Variants in CRACDL observed in about 807,000 individuals in gnomAD.
CRACDL encodes the protein CRACD like.
Under a neutral mutation model 70.6 loss-of-function variants are expected in CRACDL, and 26 were observed. The observed-to-expected ratio is 0.37, with a 90% confidence interval of 0.27 to 0.51. The LOEUF (loss-of-function observed/expected upper bound fraction) is 0.51, where lower values mean the gene tolerates loss of function less well. Among genes scored for constraint, CRACDL ranks in the 20% least tolerant of loss-of-function variants. CRACDL has a pLI of 0.94. For synonymous variants in CRACDL, 618 were observed against 615.2 expected (o/e 1.00, Z -0.07); for missense variants, 1,283 against 1,376.9 (o/e 0.93, Z 1.08).
intron 1 of CRACDL, among the ~76,000 whole-genome samples, chr2:98,933,544 T>A (rs1709135404): frequency 6.6e-6 from 1 of 152,022 alleles, no homozygotes. Flanking sequence ...TACACAAAAT[T>A]TTGCACCTTT....
chr2:98,854,615 TC>T (rs148374987), intron 1 of CRACDL, among the ~76,000 whole-genome samples: 4,452 of 152,204 alleles, frequency 0.029, 148 homozygotes, highest in South Asian at 0.16. Context: ...GTATAAAGAA[TC>T]CCTAGAACCC....
intron 3 of CRACDL, among the ~76,000 whole-genome samples, chr2:98,836,795 C>T (rs1412590781): frequency 6.6e-6 from 1 of 152,160 alleles, no homozygotes; most frequent in South Asian, 2.1e-4. Flanking sequence ...AAAAAAAATG[C>T]ATGCACGCCG....
intron 1 of CRACDL, among the ~76,000 whole-genome samples, chr2:98,909,456 A>C (rs925199068): frequency 6.6e-6 from 1 of 152,216 alleles, no homozygotes; most frequent in Non-Finnish European, 1.5e-5. Flanking sequence ...ATAAGGATGC[A>C]ATCCCAGGGG....
At chr2:98,898,094 T>A (rs188098282) in intron 1 of CRACDL, among the ~76,000 whole-genome samples, 1 of 152,184 alleles carries the variant, frequency 6.6e-6, no homozygotes, top group African/African-American at 2.4e-5. Flanking sequence ...GAATCAAGAG[T>A]TAGTTATATT....
At chr2:98,795,063 A>AAAAATT (rs1703745182) in intron 9 of CRACDL, among the ~76,000 whole-genome samples, 1 of 41,752 alleles carries the variant, frequency 2.4e-5, no homozygotes, top group African/African-American at 8.1e-5. Flanking sequence ...ATATATATAT[A>AAAAATT]TATATATATA....
intron 2 of CRACDL, among the ~76,000 whole-genome samples, chr2:98,842,321 T>G (rs895992393): frequency 2.0e-5 from 3 of 151,732 alleles, no homozygotes; most frequent in Admixed American, 1.3e-4. Flanking sequence ...TACATAAATT[T>G]AATTTAAAAT....
intron 1 of CRACDL, among the ~76,000 whole-genome samples, chr2:98,922,548 G>A (rs943852626): frequency 6.6e-6 from 1 of 152,172 alleles, no homozygotes; most frequent in African/African-American, 2.4e-5. Context: ...TGTGCCCAGT[G>A]GGCCAGCTGG....
intron 1 of CRACDL, among the ~76,000 whole-genome samples, chr2:98,917,482 C>A (rs1035501926): frequency 6.6e-6 from 1 of 152,162 alleles, no homozygotes; most frequent in Non-Finnish European, 1.5e-5. Context: ...GCATTGAGTA[C>A]CATCGTTCAC....
At chr2:98,862,725 T>G (rs924060048) in intron 1 of CRACDL, among the ~76,000 whole-genome samples, 1 of 151,732 alleles carries the variant, frequency 6.6e-6, no homozygotes, top group Non-Finnish European at 1.5e-5. Context: ...ACAATGGAAA[T>G]TATCAAGTCT....
intron 1 of CRACDL, among the ~76,000 whole-genome samples, chr2:98,859,747 A>G (rs1441458548): frequency 6.6e-6 from 1 of 152,224 alleles, no homozygotes; most frequent in Non-Finnish European, 1.5e-5. Flanking sequence ...GAGATAAGAA[A>G]AAAGACAAGG....
intron 9 of CRACDL, among the ~76,000 whole-genome samples, chr2:98,795,071 A>ATTTTTTTTTTTTTTT (rs1391098955): frequency 4.5e-5 from 1 of 22,394 alleles, no homozygotes; most frequent in African/African-American, 1.1e-4. Flanking sequence ...ATATATATAT[A>ATTTTTTTTTTTTTTT]TATATATTTT....
At chr2:98,879,339 T>G (rs1707572739) in intron 1 of CRACDL, among the ~76,000 whole-genome samples, 1 of 152,304 alleles carries the variant, frequency 6.6e-6, no homozygotes, top group East Asian at 1.9e-4. Context: ...GAAAAACAAA[T>G]GTCAAATAGT....
chr2:98,813,427 T>C (rs1704653791), intron 7 of CRACDL, among the ~76,000 whole-genome samples: 1 of 152,002 alleles, frequency 6.6e-6, no homozygotes, highest in African/African-American at 2.4e-5. Flanking sequence ...AGCAAGACTC[T>C]GTCTTAAAAA....
chr2:98,885,717 G>T (rs941643415), intron 1 of CRACDL, among the ~76,000 whole-genome samples: 3 of 152,152 alleles, frequency 2.0e-5, no homozygotes, highest in African/African-American at 7.2e-5. Flanking sequence ...AGATTGACAG[G>T]TTCTGCAACT....
intron 1 of CRACDL, among the ~76,000 whole-genome samples, chr2:98,895,289 C>T (rs1475209378): frequency 6.6e-6 from 1 of 152,146 alleles, no homozygotes; most frequent in Non-Finnish European, 1.5e-5. Flanking sequence ...TAGCCTAGAT[C>T]TAGAATTATG....
chr2:98,831,307 C>T (rs1021440340), intron 5 of CRACDL, among the ~76,000 whole-genome samples: 3 of 152,178 alleles, frequency 2.0e-5, no homozygotes, highest in Non-Finnish European at 1.5e-5. Flanking sequence ...TCATCAGTGA[C>T]GTTCGGGGAA....
intron 5 of CRACDL, among the ~76,000 whole-genome samples, chr2:98,827,499 C>T (rs1353212034): frequency 2.0e-5 from 3 of 152,184 alleles, no homozygotes; most frequent in African/African-American, 4.8e-5. Context: ...ACCATGTTGG[C>T]CAGGCTGGTC....
intron 1 of CRACDL, among the ~76,000 whole-genome samples, chr2:98,928,578 G>A (rs186923302): frequency 1.3e-5 from 2 of 151,654 alleles, no homozygotes; most frequent in Admixed American, 6.6e-5. Context: ...CCCTACCGAG[G>A]GTCCAGCTAC....
At position 98,824,688 on chromosome 2, in the gene CRACDL, G is replaced by T. The variant is rs182605927; in HGVS notation, c.736-1151C>A. Among the ~76,000 whole-genome samples, 21 of 152,252 alleles carry T rather than the reference G, an allele frequency of 1.4e-4. 1 individual carries two copies. In the East Asian group the frequency reaches 3.1e-3, roughly 22 times the overall value. ...TTTCTAAAGCAGGAACTGTGACAGG[G>T]TATGTTTGCAATAGGTTTTTCTTCT... is the stretch of plus-strand genomic sequence containing the variant. On this transcript the variant is annotated intron_variant, in intron 6 of 9. Transcript: ENST00000397899.
Sources: allele counts gnomAD v4.1 joint callset (sites outside exome capture counted in the v4.1 genomes callset), GRCh38; gene constraint gnomAD v4.1.1; transcripts MANE v1.5; gene names NCBI Gene and HGNC (gene_info 2026-07-23, HGNC 2026-07-21).